GPALPP1: variants seen among roughly 807,000 people sequenced by gnomAD.
GPALPP1 encodes the protein GPALPP motifs containing 1.
GPALPP1 carries 30 observed loss-of-function variants against 38.9 expected under a neutral mutation model. The ratio of observed to expected loss-of-function variants is 0.77; its 90% confidence interval spans 0.58 to 1.05. The LOEUF is 1.05. Ranked by LOEUF, GPALPP1 falls within the 50% of genes least tolerant of loss-of-function variation. GPALPP1 has a pLI of 0.00. For synonymous variants in GPALPP1, 120 were observed against 139.2 expected, an observed-to-expected ratio of 0.86 and a Z score of 0.97; for missense variants, 384 against 408.8, an observed-to-expected ratio of 0.94 and a Z score of 0.52.
intron 1 of GPALPP1, among the ~76,000 whole-genome samples, chr13:44,992,363 T>C (rs980861634): frequency 1.3e-5 from 2 of 152,232 alleles, no homozygotes; most frequent in African/African-American, 4.8e-5. Flanking sequence ...TTTTATAGTC[T>C]GGATATGAGT....
chr13:45,018,026 C>T (rs1874995007), intron 6 of GPALPP1, among the ~76,000 whole-genome samples: 1 of 152,086 alleles, frequency 6.6e-6, no homozygotes. Context: ...TTCCATCCTA[C>T]TTCTTATATT....
downstream of GPALPP1, chr13:45,034,965 T>C (rs1876358037): frequency 6.9e-6 from 1 of 145,160 alleles, no homozygotes; most frequent in East Asian, 2.0e-4. Context: ...TTTTTTTTTT[T>C]TTTTTTTTTG....
chr13:45,013,823 TG>T (rs1048935521), intron 4 of GPALPP1, among the ~76,000 whole-genome samples: 2 of 152,168 alleles, frequency 1.3e-5, no homozygotes, highest in African/African-American at 4.8e-5. Context: ...AAGTATAAAC[TG>T]GTAAGGTACC....
In GPALPP1 at chr13:45,019,068, AATATATACATATAAATAT is replaced by A. The variant is rs1566082116; in HGVS notation, c.706-1259_706-1242del. On this transcript the variant is annotated intron_variant, in intron 6 of 7. Coordinates refer to ENST00000379151, the MANE Select transcript of GPALPP1 (RefSeq NM_018559.5). ...ATATAAATATAAATATATACATATA[AATATATACATATAAATAT>A]ATGTATATATATTTATATATATTTA... 1.7e-5 allele frequency among the ~76,000 whole-genome samples: 2 copies of A among 117,336 alleles called. 1 individual carries two copies. The highest frequency in any genetic ancestry group is 3.3e-5 in the Non-Finnish European group (2 of 61,250). The allele number at this position is 117,336 out of a possible 152,430, so 77.0% of individuals were successfully genotyped here.
At chr13:45,020,036 C>T (rs1875292277) in intron 6 of GPALPP1, among the ~76,000 whole-genome samples, 1 of 152,088 alleles carries the variant, frequency 6.6e-6, no homozygotes, top group South Asian at 2.1e-4. Flanking sequence ...AGGCACCCGC[C>T]ACCATGCCCA....
chr13:44,996,047 C>T (rs566172900), intron 1 of GPALPP1, among the ~76,000 whole-genome samples: 5 of 152,194 alleles, frequency 3.3e-5, no homozygotes, highest in South Asian at 2.1e-4. Context: ...TTCCTTTTGG[C>T]GGAGTAGAGG....
chr13:45,035,530 T>A (rs1188472994), exon 8 of GPALPP1: 1 of 152,242 alleles, frequency 6.6e-6, no homozygotes, highest in Non-Finnish European at 1.5e-5. Context: ...TAAGAAGTTG[T>A]TGTAAATTAC....
chr13:45,035,675 T>C (rs1876382395), exon 8 of GPALPP1: 1 of 152,226 alleles, frequency 6.6e-6, no homozygotes, highest in South Asian at 2.1e-4. Context: ...ACTTAGGGAC[T>C]GAAAAATACA....
Position 45,027,981 on chromosome 13 carries a change from G to A in GPALPP1, c.1001G>A (p.Gly334Asp). ...SRELNTRFSH[G>D]KGNMFL is the part of the protein sequence containing the mutation. ...GAACTAAACACCAGATTTTCACACGGCAAAGGCAATATGTTTTTATAAGTA... is the reference window on the plus strand; with the variant it reads ...GAACTAAACACCAGATTTTCACACGACAAAGGCAATATGTTTTTATAAGTA... Residue 334 changes from glycine to aspartate, a missense_variant, in exon 8 of 8, where the codon GGC becomes GAC. Transcript: ENST00000379151. 10 of 1,593,966 alleles carry A rather than the reference G, an allele frequency of 6.3e-6. No homozygotes were observed. The highest frequency in any genetic ancestry group is 8.6e-6 in the Non-Finnish European group (10 of 1,162,440).
intron 2 of GPALPP1, chr13:45,005,036 T>C (rs1023917138): frequency 4.0e-5 from 6 of 151,058 alleles, no homozygotes; most frequent in African/African-American, 1.5e-4. Flanking sequence ...GAATTTCTTA[T>C]TAAAATTATA....
chr13:45,026,728 C>T (rs1343607531), intron 7 of GPALPP1, among the ~76,000 whole-genome samples: 1 of 152,076 alleles, frequency 6.6e-6, no homozygotes, highest in Admixed American at 6.6e-5. Flanking sequence ...AGGTAAAATA[C>T]CCATTTCTAA....
chr13:45,019,801 G>GT (rs1875264539), intron 6 of GPALPP1, among the ~76,000 whole-genome samples: 1 of 148,220 alleles, frequency 6.7e-6, no homozygotes, highest in South Asian at 2.1e-4. Context: ...GAGTGGAGTG[G>GT]GTTTTTTTTT....
chr13:44,993,554 G>A lies in GPALPP1; in HGVS notation c.88+3812G>A, dbSNP rs1236514903. Among the ~76,000 whole-genome samples, 5 of 152,096 alleles carry A rather than the reference G, an allele frequency of 3.3e-5. No individual in the cohort carries two copies. In the South Asian group the frequency reaches 8.3e-4, roughly 25 times the overall value. ...GCCAACTCTGATTCAGGTGATCTGG[G>A]ACCTGTAGTCCCAGCTACTGGGGAG... On this transcript the variant is annotated intron_variant, in intron 1 of 7. Transcript: ENST00000379151.
At chr13:45,001,979 C>G (rs1873718158) in intron 1 of GPALPP1, 2 of 152,642 alleles carry the variant, frequency 1.3e-5, no homozygotes, top group South Asian at 4.1e-4. Flanking sequence ...CCACACCTGG[C>G]CCACACCATT....
At chr13:45,034,769 C>T (rs542541077), downstream of GPALPP1, 6 of 144,292 alleles carry the variant, frequency 4.2e-5, no homozygotes, top group African/African-American at 1.3e-4. Context: ...CAGAGTCTCC[C>T]TCTGTCGCCC....
At chr13:45,015,379 C>T (rs1032157313) in intron 5 of GPALPP1, 53 bp from the exon 6 acceptor site, 4 of 1,104,326 alleles carry the variant, frequency 3.6e-6, no homozygotes, top group Non-Finnish European at 5.1e-6. Context: ...TATATGTACT[C>T]ATCTTATACA....
At position 45,027,828 on chromosome 13, in the gene GPALPP1, A is replaced by C; in HGVS notation, c.848A>C (p.Lys283Thr). Reference protein sequence around the residue: ...SESLMDIHHKKLKSKAAEDKN... With the variant: ...SESLMDIHHKTLKSKAAEDKN... ...TCTCTTATGGACATACATCATAAAA[A>C]GTTAAAGAGTAAGGCTGCTGAAGAC... The change falls in exon 8 of 8, where the codon AAG (lysine) becomes ACG (threonine). Residue 283 changes from lysine to threonine, a missense_variant. Coordinates refer to ENST00000379151, the MANE Select transcript of GPALPP1 (RefSeq NM_018559.5). 1 of 1,598,954 alleles carries C rather than the reference A, an allele frequency of 6.3e-7. No individual in the cohort carries two copies. Among genetic ancestry groups the C allele is most frequent in the Non-Finnish European group, 8.6e-7 (1 of 1,166,534 alleles).
rs910949596 is a variant in GPALPP1, at chr13:45,030,009, T to G, written c.*2006T>G. 2 of 127,200 alleles carry G rather than the reference T, an allele frequency of 1.6e-5. No individual in the cohort carries two copies. Among genetic ancestry groups the G allele is most frequent in the African/African-American group, 3.5e-5 (1 of 28,424 alleles). 7.9% of individuals were successfully genotyped at this position (127,200 alleles called of 1,614,324 possible). ...CCTGGAACTTTGCTTTGGGACAACT[T>G]TACTTTACCCATTTATATGCTGTAC... On this transcript the variant is annotated 3_prime_UTR_variant, in exon 8 of 8. Transcript: ENST00000379151.
chr13:45,002,760 T>A (rs543142585), intron 1 of GPALPP1, among the ~76,000 whole-genome samples: 12 of 152,332 alleles, frequency 7.9e-5, no homozygotes, highest in Non-Finnish European at 1.6e-4. Flanking sequence ...CCATCCAACT[T>A]GATGTCGTCA....
Sources: gnomAD v4.1 joint callset for allele counts (sites outside exome capture counted in the v4.1 genomes callset) on GRCh38, gnomAD v4.1.1 for gene constraint, MANE v1.5 for transcripts, NCBI Gene and HGNC (gene_info 2026-07-23, HGNC 2026-07-21) for gene names.